ADAMTS12: variants seen among roughly 807,000 people sequenced by gnomAD.
ADAMTS12 encodes the protein ADAM metallopeptidase with thrombospondin type 1 motif 12.
Under a neutral mutation model 167.8 loss-of-function variants are expected in ADAMTS12, and 118 were observed. The ratio of observed to expected loss-of-function variants is 0.70; its 90% CI spans 0.61 to 0.82. ADAMTS12 has a LOEUF of 0.82. Among genes scored for constraint, ADAMTS12 ranks in the 40% least tolerant of loss-of-function variants. The pLI is 0.00. For missense variants in ADAMTS12, 1,916 were observed against 1,998.8 expected (o/e 0.96, Z 0.79); for synonymous variants, 704 against 716.9 (o/e 0.98, Z 0.29).
chr5:33,645,146 TA>T (rs1374170116), intron 9 of ADAMTS12, among the ~76,000 whole-genome samples: 12 of 7,942 alleles, frequency 1.5e-3, no homozygotes, highest in Non-Finnish European at 9.7e-3. Context: ...ATGCTTTATT[TA>T]TTATTATTAT....
intron 2 of ADAMTS12, among the ~76,000 whole-genome samples, chr5:33,771,695 G>A (rs1328666784): frequency 6.6e-6 from 1 of 151,908 alleles, no homozygotes. Context: ...CATAGAAATG[G>A]TTAAGATGGT....
Position 33,841,210 on chromosome 5 carries a change from T to C in ADAMTS12, c.489+39909A>G, listed in dbSNP as rs115429246. ...GCTAGGGTTTGGTGACTCCAGGCCCTGCTGCAGCTCCCTCCACCTCCTGCC... is the reference window on the plus strand; with the variant it reads ...GCTAGGGTTTGGTGACTCCAGGCCCCGCTGCAGCTCCCTCCACCTCCTGCC... On this transcript the variant is annotated intron_variant, in intron 2 of 23. Coordinates refer to ENST00000504830, the MANE Select transcript of ADAMTS12 (RefSeq NM_030955.4). Among the ~76,000 whole-genome samples the C allele has an allele frequency of 4.6e-3, 705 of 152,314 alleles. 10 individuals carry two copies. The highest frequency in any genetic ancestry group is 0.016 in the African/African-American group (673 of 41,574).
At chr5:33,551,452 C>G (rs183975807) in intron 20 of ADAMTS12, among the ~76,000 whole-genome samples, 3 of 152,306 alleles carry the variant, frequency 2.0e-5, no homozygotes, top group African/African-American at 7.2e-5. Context: ...TAACAGCAAA[C>G]TTAAAATTTG....
chr5:33,666,742 C>T (rs1167758915), intron 5 of ADAMTS12, among the ~76,000 whole-genome samples: 1 of 152,170 alleles, frequency 6.6e-6, no homozygotes, highest in Non-Finnish European at 1.5e-5. Flanking sequence ...CTGCCTGCCT[C>T]AGCCTCCCAA....
At chr5:33,796,939 T>C (rs552910412) in intron 2 of ADAMTS12, among the ~76,000 whole-genome samples, 3 of 152,308 alleles carry the variant, frequency 2.0e-5, no homozygotes, top group South Asian at 2.1e-4. Context: ...AACTCAGTGA[T>C]TGTTGATGGA....
chr5:33,528,664 C>T (rs1364417079), intron 23 of ADAMTS12, among the ~76,000 whole-genome samples: 1 of 152,226 alleles, frequency 6.6e-6, no homozygotes, highest in African/African-American at 2.4e-5. Flanking sequence ...ATAGCCAGAT[C>T]TGAACACAGG....
chr5:33,687,232 A>C (rs1413739964), intron 3 of ADAMTS12, among the ~76,000 whole-genome samples: 1 of 152,108 alleles, frequency 6.6e-6, no homozygotes, highest in African/African-American at 2.4e-5. Context: ...TCTATTTGAA[A>C]TTTTTCAACA....
At position 33,561,104 on chromosome 5, in the gene ADAMTS12, C is replaced by T. The variant is rs1189754641; in HGVS notation, c.4048G>A (p.Ala1350Thr). Residue 1350 changes from alanine to threonine, a missense_variant, in exon 20 of 24, where the codon GCC becomes ACC. Transcript: ENST00000504830. ...CSTQMDSDCA[A>T]IQRPDPAKRC... ...TTTGCAGGGTCAGGTCTCTGGATGG[C>T]CGCACAGTCAGAATCCATCTGGGTG... The T allele has an allele frequency of 1.1e-5, 17 of 1,614,140 alleles. No homozygotes were observed. The highest frequency in any genetic ancestry group is 1.4e-5 in the Non-Finnish European group (17 of 1,180,014).
chr5:33,588,498 G>A lies in ADAMTS12; in HGVS notation c.2865+101C>T, dbSNP rs957999733. The A allele has an allele frequency of 7.1e-6, 10 of 1,412,300 alleles. No homozygotes were observed. The Admixed American group carries it at 8.4e-5, about 12-fold the overall frequency. 87.5% of individuals were successfully genotyped at this position (1,412,300 alleles called of 1,614,324 possible). A position where few individuals can be genotyped will look rare whatever the true frequency, so the allele number is the denominator to read the frequency against. On this transcript the variant is annotated intron_variant, in intron 18 of 23. Coordinates refer to ENST00000504830, the MANE Select transcript of ADAMTS12 (RefSeq NM_030955.4). ...AGGGGTGATGAACACTGGCTATTTT[G>A]CAATTTTACCTAGGGTCACTTTGGA...
intron 18 of ADAMTS12, among the ~76,000 whole-genome samples, chr5:33,582,644 G>C (rs944798104): frequency 6.6e-6 from 1 of 152,138 alleles, no homozygotes; most frequent in African/African-American, 2.4e-5. Flanking sequence ...TCAGTACCTT[G>C]GTTAAGTGAA....
chr5:33,527,433 C>T lies in ADAMTS12; in HGVS notation c.4607-67G>A, dbSNP rs7729534. The stretch of plus-strand genomic sequence containing the variant: ...ATCCTTTGTGGATATACAAGCACAA[C>T]TTCTATTAATGTAAGACTTTATATG... On this transcript the variant is annotated intron_variant, in intron 23 of 23. Coordinates refer to ENST00000504830, the MANE Select transcript of ADAMTS12 (RefSeq NM_030955.4). 6.8e-3 allele frequency: 9,981 copies of T among 1,476,834 alleles called. 621 individuals carry two copies. In the African/African-American group the frequency reaches 0.13, roughly 19 times the overall value. 91.5% of individuals were successfully genotyped at this position (1,476,834 alleles called of 1,614,324 possible).
chr5:33,891,788 C>A lies in ADAMTS12; in HGVS notation c.69G>T (p.Ala23=). The A allele has an allele frequency of 6.2e-6, 10 of 1,614,202 alleles. No homozygotes were observed. The highest frequency in any genetic ancestry group is 8.5e-6 in the Non-Finnish European group (10 of 1,180,032). ...GCTGAGGCTGTCTCCCATAGCAAAG[C>A]GCCCCAAAGTTAAGGAGCTGAGCCA... ...SVVAQLLNFG[A]LCYGRQPQPG... The change falls in exon 1 of 24, where the codon GCG becomes GCT. Residue 23 remains alanine (A), a synonymous_variant. Coordinates refer to ENST00000504830, the MANE Select transcript of ADAMTS12 (RefSeq NM_030955.4).
chr5:33,665,045 G>T (rs922486284), intron 5 of ADAMTS12, among the ~76,000 whole-genome samples: 6 of 152,072 alleles, frequency 3.9e-5, no homozygotes, highest in African/African-American at 1.4e-4. Context: ...GCAAAGGAAA[G>T]AAATATATAT....
chr5:33,643,748 T>A (rs1414228531), intron 9 of ADAMTS12, among the ~76,000 whole-genome samples: 1 of 152,254 alleles, frequency 6.6e-6, no homozygotes, highest in African/African-American at 2.4e-5. Flanking sequence ...TTCTATATGT[T>A]TGGCACAATA....
chr5:33,715,001 C>A (rs1028903874), intron 3 of ADAMTS12, among the ~76,000 whole-genome samples: 23 of 152,012 alleles, frequency 1.5e-4, no homozygotes, highest in Non-Finnish European at 2.9e-4. Flanking sequence ...TATTTGATAT[C>A]CTGAATACCC....
rs200227813 is a variant in ADAMTS12 at position 33,576,962 on chromosome 5, C to T, written c.3064G>A (p.Val1022Ile). The T allele has an allele frequency of 6.1e-5, 98 of 1,613,994 alleles. No homozygotes were observed. Among genetic ancestry groups the T allele is most frequent in the Admixed American group, 1.2e-4 (7 of 59,986 alleles). The part of the protein sequence containing the change: ...NGKNPPTLKP[V>I]PPPTSRPRML... Reference sequence around the variant, plus strand: ...CTGGGCCTGGATGTAGGTGGAGGGACGGGCTTTAGTGTTGGTGGGTTTTTT... The same window carrying T: ...CTGGGCCTGGATGTAGGTGGAGGGATGGGCTTTAGTGTTGGTGGGTTTTTT... Residue 1022 changes from valine to isoleucine, a missense_variant, in exon 19 of 24, where the codon GTC (valine) becomes ATC (isoleucine). Transcript: ENST00000504830.
intron 2 of ADAMTS12, among the ~76,000 whole-genome samples, chr5:33,813,403 T>C (rs1747533828): frequency 6.6e-6 from 1 of 152,214 alleles, no homozygotes; most frequent in East Asian, 1.9e-4. Flanking sequence ...AAGTTGTCTG[T>C]GAATCTTTTA....
At chr5:33,853,262 T>A (rs755249205) in intron 2 of ADAMTS12, among the ~76,000 whole-genome samples, 29 of 152,186 alleles carry the variant, frequency 1.9e-4, no homozygotes, top group Non-Finnish European at 4.0e-4. Flanking sequence ...GAGATAGGAA[T>A]AAAACCATCA....
chr5:33,575,903 G>T, intron 19 of ADAMTS12, 151 bp downstream of exon 19: 1 of 1,091,340 alleles, frequency 9.2e-7, no homozygotes, highest in East Asian at 2.6e-5. Context: ...ATGGGGGTAA[G>T]GAGGGAGGGG....
Sources: allele counts gnomAD v4.1 joint callset (sites outside exome capture counted in the v4.1 genomes callset), GRCh38; gene constraint gnomAD v4.1.1; transcripts MANE v1.5; gene names NCBI Gene and HGNC (gene_info 2026-07-23, HGNC 2026-07-21).